DCLK1: variants seen among roughly 807,000 people sequenced by gnomAD.
The protein encoded by DCLK1 is doublecortin like kinase 1, also known as serine/threonine-protein kinase DCLK1.
DCLK1 carries 16 observed loss-of-function variants against 86.2 expected under a neutral mutation model. That is an observed-to-expected ratio of 0.19 (90% confidence interval 0.13 to 0.28). The LOEUF is 0.28. Ranked by LOEUF, DCLK1 falls within the 10% of genes least tolerant of loss-of-function variation. The probability of loss-of-function intolerance (pLI) is 1.00; values close to 1 mark genes in which losing one functional copy is unlikely to be tolerated. For missense variants in DCLK1, 590 were observed against 940.2 expected (o/e 0.63, Z 4.87); for synonymous variants, 369 against 370.5 (o/e 1.00, Z 0.05).
chr13:35,815,420 C>T (rs995557858), intron 11 of DCLK1, among the ~76,000 whole-genome samples: 16 of 152,148 alleles, frequency 1.1e-4, no homozygotes, highest in Admixed American at 5.9e-4. Context: ...TTGGAACAAA[C>T]GTAATTCTCA....
At chr13:35,974,368 G>A (rs897038236) in intron 3 of DCLK1, among the ~76,000 whole-genome samples, 2 of 152,212 alleles carry the variant, frequency 1.3e-5, no homozygotes, top group African/African-American at 4.8e-5. Context: ...CAGATGCAGA[G>A]GGAAGACCGT....
In DCLK1 at chr13:35,819,956, T is replaced by C. The variant is rs138147107; in HGVS notation, c.1554+2773A>G. On this transcript the variant is annotated intron_variant, in intron 11 of 16. Transcript: ENST00000360631. ...CTTAAAGATAAAGGCTTGAAGGAGG[T>C]ACCTTCCTCAAGGTCATAAGACCAG... Among the ~76,000 whole-genome samples the C allele has an allele frequency of 9.6e-4, 146 of 152,288 alleles. 1 individual carries two copies. The highest frequency in any genetic ancestry group is 3.4e-3 in the Middle Eastern group (1 of 294).
At chr13:36,021,245 A>T (rs1187103091) in intron 3 of DCLK1, among the ~76,000 whole-genome samples, 12 of 312 alleles carry the variant, frequency 0.038, no homozygotes, top group Admixed American at 0.2. Context: ...AAAAATAATA[A>T]AAAAAAAAAG....
chr13:36,049,229 T>C (rs1388119605), intron 3 of DCLK1, among the ~76,000 whole-genome samples: 1 of 152,152 alleles, frequency 6.6e-6, no homozygotes, highest in Non-Finnish European at 1.5e-5. Flanking sequence ...TTTTAGATTG[T>C]TTAGTACTGC....
At chr13:36,049,311 C>CA (rs1490763966) in intron 3 of DCLK1, among the ~76,000 whole-genome samples, 1 of 152,144 alleles carries the variant, frequency 6.6e-6, no homozygotes, top group Admixed American at 6.6e-5. Flanking sequence ...AAGAATGTGT[C>CA]AATCCATCCC....
intron 3 of DCLK1, among the ~76,000 whole-genome samples, chr13:36,072,733 A>G (rs1194002480): frequency 1.3e-5 from 2 of 152,234 alleles, no homozygotes; most frequent in Non-Finnish European, 2.9e-5. Context: ...TCAAAAGAAG[A>G]GTCACAGCCA....
chr13:36,074,284 C>T (rs757414981), intron 3 of DCLK1, among the ~76,000 whole-genome samples: 1 of 151,796 alleles, frequency 6.6e-6, no homozygotes, highest in Non-Finnish European at 1.5e-5. Flanking sequence ...GGGCAGATCG[C>T]GAGGTCAGGA....
intron 16 of DCLK1, chr13:35,788,428 G>A: frequency 1.4e-6 from 1 of 726,992 alleles, no homozygotes; most frequent in Non-Finnish European, 2.3e-6. Context: ...AATATCCTAA[G>A]TCTGCATACT....
At chr13:35,823,106 G>A (rs559727700) in intron 10 of DCLK1, among the ~76,000 whole-genome samples, 4 of 152,224 alleles carry the variant, frequency 2.6e-5, no homozygotes, top group Admixed American at 1.3e-4. Flanking sequence ...AAGGGGCAGC[G>A]TGAGGATTCT....
chr13:35,770,210 G>A lies in DCLK1; in HGVS notation c.*4325C>T, dbSNP rs1353745096. ...CGTCCTAGGAACCCCATTTGTTACCGTTTCATGTGTAAGCACCATTGAACC... is the reference window on the plus strand; with the variant it reads ...CGTCCTAGGAACCCCATTTGTTACCATTTCATGTGTAAGCACCATTGAACC... On this transcript the variant is annotated 3_prime_UTR_variant, in exon 17 of 17. Transcript: ENST00000360631. 2.0e-5 allele frequency: 3 copies of A among 152,138 alleles called. No individual in the cohort carries two copies. Among genetic ancestry groups the A allele is most frequent in the Non-Finnish European group, 2.9e-5 (2 of 68,022 alleles). 9.4% of individuals were successfully genotyped at this position (152,138 alleles called of 1,614,324 possible).
chr13:36,127,125 A>C (rs1886215575), intron 1 of DCLK1, among the ~76,000 whole-genome samples: 1 of 152,268 alleles, frequency 6.6e-6, no homozygotes, highest in African/African-American at 2.4e-5. Flanking sequence ...AGTTTTACAT[A>C]ATGTTTGTGT....
intron 3 of DCLK1, among the ~76,000 whole-genome samples, chr13:36,071,696 A>G (rs1231850309): frequency 6.6e-6 from 1 of 152,204 alleles, no homozygotes; most frequent in Admixed American, 6.5e-5. Flanking sequence ...AAATTAGGCA[A>G]CCAAGGCTAA....
intron 2 of DCLK1, among the ~76,000 whole-genome samples, chr13:36,118,175 G>A (rs1885859493): frequency 1.3e-5 from 2 of 152,168 alleles, no homozygotes; most frequent in African/African-American, 4.8e-5. Flanking sequence ...CACATGATCA[G>A]CCCTGGGTGA....
chr13:36,024,735 T>C (rs1277286807), intron 3 of DCLK1, among the ~76,000 whole-genome samples: 1 of 152,010 alleles, frequency 6.6e-6, no homozygotes, highest in East Asian at 1.9e-4. Flanking sequence ...TATTACAAAC[T>C]GATCTAAAAT....
chr13:35,863,605 A>G (rs1871560677), intron 5 of DCLK1, among the ~76,000 whole-genome samples: 1 of 152,174 alleles, frequency 6.6e-6, no homozygotes, highest in African/African-American at 2.4e-5. Flanking sequence ...TGAATCACCA[A>G]CCTCTCGATT....
intron 4 of DCLK1, among the ~76,000 whole-genome samples, chr13:35,890,843 G>A (rs897300603): frequency 6.8e-5 from 10 of 147,276 alleles, no homozygotes; most frequent in Admixed American, 6.8e-5. Context: ...TTTCTCTCTT[G>A]TAAATTGCCT....
At chr13:36,004,665 TC>T (rs772193256) in intron 3 of DCLK1, among the ~76,000 whole-genome samples, 2 of 152,104 alleles carry the variant, frequency 1.3e-5, no homozygotes, top group Admixed American at 6.6e-5. Flanking sequence ...AATCTCGGCC[TC>T]CGGGGTTCAA....
At chr13:35,850,645 G>C in intron 6 of DCLK1, 1 of 1,428,620 alleles carries the variant, frequency 7.0e-7, no homozygotes, top group Middle Eastern at 1.9e-4. Flanking sequence ...TGTGTATTTT[G>C]CTGTAAGACT....
At chr13:36,027,861 T>TC (rs1882106001) in intron 3 of DCLK1, among the ~76,000 whole-genome samples, 2 of 152,228 alleles carry the variant, frequency 1.3e-5, no homozygotes, top group African/African-American at 4.8e-5. Flanking sequence ...GCCTCCCAAG[T>TC]AGTGGGACTA....
Sources: gnomAD v4.1 joint callset for allele counts (sites outside exome capture counted in the v4.1 genomes callset) on GRCh38, gnomAD v4.1.1 for gene constraint, MANE v1.5 for transcripts, NCBI Gene and HGNC (gene_info 2026-07-23, HGNC 2026-07-21) for gene names.